Variants in CACNA1I observed in about 807,000 individuals in gnomAD.
CACNA1I encodes calcium voltage-gated channel subunit alpha1 I.
In CACNA1I, 74 loss-of-function variants were observed where a neutral mutation model predicts 201.6. The observed-to-expected ratio is 0.37, with a 90% CI of 0.30 to 0.45. The LOEUF (loss-of-function observed/expected upper bound fraction) is 0.45. Among genes scored for constraint, CACNA1I ranks in the 20% least tolerant of loss-of-function variants. CACNA1I has a pLI of 1.00. For missense variants in CACNA1I, 2,346 were observed against 3,138.1 expected (o/e 0.75, Z 6.03); for synonymous variants, 1,431 against 1,345.2 (o/e 1.06, Z -1.40).
chr22:39,673,107 G>C, intron 28 of CACNA1I, 25 bp downstream of exon 28: 1 of 1,432,222 alleles, frequency 7.0e-7, no homozygotes, highest in Non-Finnish European at 9.4e-7. Flanking sequence ...GTGGGACAGG[G>C]AACGGGGACA....
chr22:39,654,173 G>A (rs1373772783), intron 10 of CACNA1I, among the ~76,000 whole-genome samples: 1 of 152,232 alleles, frequency 6.6e-6, no homozygotes, highest in Non-Finnish European at 1.5e-5. Context: ...CTTGCCCAAG[G>A]TGCCAGGGTG....
chr22:39,642,678 C>A, intron 6 of CACNA1I, 119 bp from the exon 7 acceptor site: 1 of 675,214 alleles, frequency 1.5e-6, no homozygotes, highest in South Asian at 1.7e-5. Context: ...GAGACAGACT[C>A]GAGGCAGCAT....
chr22:39,653,789 T>C (rs187121988), intron 10 of CACNA1I, among the ~76,000 whole-genome samples: 68 of 152,326 alleles, frequency 4.5e-4, no homozygotes, highest in African/African-American at 1.6e-3. Flanking sequence ...TTGGGGGCAT[T>C]ACCCAGAGAA....
At chr22:39,607,898 G>GGA (rs1016567987) in intron 3 of CACNA1I, among the ~76,000 whole-genome samples, 1 of 151,234 alleles carries the variant, frequency 6.6e-6, no homozygotes, top group Non-Finnish European at 1.5e-5. Context: ...GCCAAGGCGG[G>GGA]GGGGGGTCAC....
rs1224380685 is a variant in CACNA1I at position 39,662,853 on chromosome 22, C to T, written c.3450C>T (p.Val1150=). ...GCGAGGTCCGCGAAGACTGGTCTGT[C>T]TACCTCTTCTCTCCCGAGAACAGGT... ...DWCEVREDWS[V]YLFSPENRFR... is the part of the protein sequence containing the mutation. Residue 1150 remains valine (V), a synonymous_variant, in exon 18 of 37, where the codon GTC becomes GTT. Coordinates refer to ENST00000402142, the MANE Select transcript of CACNA1I (RefSeq NM_021096.4). The T allele has an allele frequency of 1.3e-6, 2 of 1,597,460 alleles. No individual in the cohort carries two copies. Among genetic ancestry groups the T allele is most frequent in the South Asian group, 2.3e-5 (2 of 87,788 alleles).
intron 4 of CACNA1I, among the ~76,000 whole-genome samples, chr22:39,625,666 G>A (rs536726098): frequency 6.6e-6 from 1 of 151,938 alleles, no homozygotes; most frequent in African/African-American, 2.4e-5. Flanking sequence ...AGCCTCTGAT[G>A]GATAAAGAGA....
At chr22:39,664,282 C>A (rs1234841220) in intron 20 of CACNA1I, 123 bp downstream of exon 20, 1 of 797,868 alleles carries the variant, frequency 1.3e-6, no homozygotes, top group Admixed American at 2.2e-5. Flanking sequence ...AGCCCCATGG[C>A]CCACCCCTCT....
Position 39,680,923 on chromosome 22 carries a change from C to A in CACNA1I, c.5542-7C>A. On this transcript the variant is annotated splice_polypyrimidine_tract_variant and splice_region_variant and intron_variant, in intron 33 of 36. Transcript: ENST00000402142. The stretch of plus-strand genomic sequence containing the variant: ...GGGTGACCCGAGGCCACCCCCTCTT[C>A]CTGCAGGTGCAGCTGGCTGAGACGG... The A allele has an allele frequency of 6.2e-7, 1 of 1,607,208 alleles. No individual in the cohort carries two copies. The highest frequency in any genetic ancestry group is 8.5e-7 in the Non-Finnish European group (1 of 1,177,772).
intron 3 of CACNA1I, among the ~76,000 whole-genome samples, chr22:39,604,495 A>C (rs753331845): frequency 5.3e-5 from 8 of 152,190 alleles, no homozygotes; most frequent in South Asian, 2.1e-4. Flanking sequence ...TGAAATTCTT[A>C]ATCATTTATG....
At chr22:39,615,866 G>T (rs75011298) in intron 3 of CACNA1I, among the ~76,000 whole-genome samples, 1 of 152,142 alleles carries the variant, frequency 6.6e-6, no homozygotes, top group African/African-American at 2.4e-5. Flanking sequence ...TCCCTGGAAG[G>T]ATCTACAGTG....
chr22:39,672,307 CGG>C lies in CACNA1I; in HGVS notation c.4649_4649+1del. On this transcript the variant is annotated splice_donor_variant and coding_sequence_variant, in exon 27 of 37. Coordinates refer to ENST00000402142, the MANE Select transcript of CACNA1I (RefSeq NM_021096.4). LOFTEE classifies it high-confidence loss of function. ...TGGTCTGAGGCGCTTCTTCAAGGAC[CGG>C]TGAGTGGCCAGGCTGGATTAGGGCA... 6.3e-7 allele frequency: 1 copy of C among 1,599,476 alleles called. No individual in the cohort carries two copies. Among genetic ancestry groups the C allele is most frequent in the Non-Finnish European group, 8.6e-7 (1 of 1,167,302 alleles).
chr22:39,669,251 C>G (rs900403667), intron 24 of CACNA1I, among the ~76,000 whole-genome samples: 1 of 152,164 alleles, frequency 6.6e-6, no homozygotes, highest in South Asian at 2.1e-4. Context: ...TGGGTCCCAC[C>G]CAGTAAGGCT....
Position 39,658,283 on chromosome 22 carries a change from C to T in CACNA1I, c.2124C>T (p.Asp708=). 6.2e-7 allele frequency: 1 copy of T among 1,613,984 alleles called. No individual in the cohort carries two copies. The highest frequency in any genetic ancestry group is 8.5e-7 in the Non-Finnish European group (1 of 1,179,876). ...DYLRNPYNIF[D]SIIVIISIWE... is the part of the protein sequence containing the mutation. ...TGCGTAACCCCTACAACATCTTCGACAGCATCATTGTCATCATCAGGTACC... is the reference window on the plus strand; with the variant it reads ...TGCGTAACCCCTACAACATCTTCGATAGCATCATTGTCATCATCAGGTACC... The change falls in exon 11 of 37, where the codon GAC becomes GAT. Residue 708 remains aspartate, a synonymous_variant. Coordinates refer to ENST00000402142, the MANE Select transcript of CACNA1I (RefSeq NM_021096.4).
Position 39,646,612 on chromosome 22 carries a change from C to A in CACNA1I, c.1193C>A (p.Ala398Glu). 6.4e-7 allele frequency: 1 copy of A among 1,570,412 alleles called. No homozygotes were observed. The highest frequency in any genetic ancestry group is 8.6e-7 in the Non-Finnish European group (1 of 1,158,042). Residue 398 changes from alanine to glutamate, a missense_variant, in exon 8 of 37, where the codon GCG (alanine) becomes GAG (glutamate). Transcript: ENST00000402142. ...ATCAACCTGTGCCTCGTTGTCATAGCGACCCAGTTCTCGGAGACCAAGCAA... is the reference window on the plus strand; with the variant it reads ...ATCAACCTGTGCCTCGTTGTCATAGAGACCCAGTTCTCGGAGACCAAGCAA... ...FMINLCLVVI[A>E]TQFSETKQRE...
At chr22:39,636,144 G>A (rs1934213655) in intron 5 of CACNA1I, among the ~76,000 whole-genome samples, 1 of 152,232 alleles carries the variant, frequency 6.6e-6, no homozygotes, top group Non-Finnish European at 1.5e-5. Flanking sequence ...GGCAGGCTGG[G>A]AGCGAGAACC....
At chr22:39,620,042 TCCA>T (rs1933685532) in intron 4 of CACNA1I, among the ~76,000 whole-genome samples, 1 of 139,962 alleles carries the variant, frequency 7.1e-6, no homozygotes, top group Non-Finnish European at 1.5e-5. Context: ...CATCCATCCA[TCCA>T]TCCATCCACC....
At position 39,649,099 on chromosome 22, in the gene CACNA1I, C is replaced by T. The variant is rs1016297612; in HGVS notation, c.1568-402C>T. Reference sequence around the variant, plus strand: ...GGCCTTCTCTGACGGGGGCTGCCCCCACATTGGCCTGACTCTTTCAGAATC... The same window carrying T: ...GGCCTTCTCTGACGGGGGCTGCCCCTACATTGGCCTGACTCTTTCAGAATC... On this transcript the variant is annotated intron_variant, in intron 9 of 36. Transcript: ENST00000402142. The surrounding 1 kb of genome is among the most constrained non-coding windows in gnomAD (Gnocchi z 7.3). Among the ~76,000 whole-genome samples, 2 of 152,246 alleles carry T rather than the reference C, an allele frequency of 1.3e-5. No homozygotes were observed. Among genetic ancestry groups the T allele is most frequent in the Admixed American group, 1.3e-4 (2 of 15,294 alleles).
intron 1 of CACNA1I, among the ~76,000 whole-genome samples, chr22:39,591,548 C>CTTATT: frequency 6.6e-6 from 1 of 151,918 alleles, no homozygotes; most frequent in East Asian, 1.9e-4. Flanking sequence ...ACTAGCATCT[C>CTTATT]TTCTTTTCTT....
rs988483591 is a variant in CACNA1I, at chr22:39,684,924, G to A, written c.6027+426G>A. 8 of 349,562 alleles carry A rather than the reference G, an allele frequency of 2.3e-5. No individual in the cohort carries two copies. Among genetic ancestry groups the A allele is most frequent in the African/African-American group, 1.2e-4 (6 of 48,372 alleles). The allele number at this position is 349,562 out of a possible 1,614,324, so 21.7% of individuals were successfully genotyped here. A position where few individuals can be genotyped will look rare whatever the true frequency, so the allele number is the denominator to read the frequency against. Reference sequence around the variant, plus strand: ...GTGGGAGGGCGGGTCTGGTGGATGAGAAGCCTCGGGCTGCAGGGTCCCCCG... The same window carrying A: ...GTGGGAGGGCGGGTCTGGTGGATGAAAAGCCTCGGGCTGCAGGGTCCCCCG... On this transcript the variant is annotated intron_variant, in intron 36 of 36. Coordinates refer to ENST00000402142, the MANE Select transcript of CACNA1I (RefSeq NM_021096.4). The surrounding 1 kb of genome is among the most constrained non-coding windows in gnomAD (Gnocchi z 4.6).
Sources: gnomAD v4.1 joint callset for allele counts (sites outside exome capture counted in the v4.1 genomes callset) on GRCh38, gnomAD v4.1.1 for gene constraint, Gnocchi (gnomAD v3.1) non-coding constraint, MANE v1.5 for transcripts, NCBI Gene and HGNC (gene_info 2026-07-23, HGNC 2026-07-21) for gene names.